The following SMARCAL1 variants were observed in gnomAD, a reference collection of about 807,000 sequenced individuals.
The protein encoded by SMARCAL1 is ATP-driven annealing helicase.
Under a neutral mutation model 94.5 loss-of-function variants are expected in SMARCAL1, and 58 were observed. The ratio of observed to expected loss-of-function variants is 0.61; its 90% CI spans 0.50 to 0.76. The LOEUF (loss-of-function observed/expected upper bound fraction) is 0.76, where lower values mean the gene tolerates loss of function less well. Among genes scored for constraint, SMARCAL1 ranks in the 30% least tolerant of loss-of-function variants. The pLI, the probability that SMARCAL1 is intolerant of heterozygous loss-of-function variation, is 0.00. For synonymous variants in SMARCAL1, 422 were observed against 455.1 expected, an observed-to-expected ratio of 0.93 and a Z score of 0.93; for missense variants, 1,051 against 1,177.9, an observed-to-expected ratio of 0.89 and a Z score of 1.58.
intron 9 of SMARCAL1, among the ~76,000 whole-genome samples, chr2:216,438,066 G>A (rs550287466): frequency 6.6e-6 from 1 of 152,366 alleles, no homozygotes; most frequent in South Asian, 2.1e-4. Flanking sequence ...CCATTATGGG[G>A]CACTTGGTCT....
intron 7 of SMARCAL1, among the ~76,000 whole-genome samples, chr2:216,429,690 C>T (rs994434415): frequency 1.3e-5 from 2 of 151,718 alleles, no homozygotes; most frequent in South Asian, 2.1e-4. Context: ...CCTGCCTGCT[C>T]GAAGCCTGAT....
In SMARCAL1 at chr2:216,475,969, C is replaced by T. The variant is rs570796287; in HGVS notation, c.2427+518C>T. ...CATAACTGAAGAGGGCACTTGGTGG[C>T]ACCAGGTTGCAGCCCAGGCCTCACG... is the stretch of plus-strand genomic sequence containing the variant. On this transcript the variant is annotated intron_variant, in intron 15 of 17. Transcript: ENST00000357276. This position sits in a 1 kb window ranked among gnomAD's most constrained non-coding sequence, Gnocchi z 4.4. 4.3e-4 allele frequency among the ~76,000 whole-genome samples: 66 copies of T among 151,886 alleles called. No individual in the cohort carries two copies. Among genetic ancestry groups the T allele is most frequent in the Non-Finnish European group, 5.7e-4 (39 of 67,992 alleles).
At position 216,415,370 on chromosome 2, in the gene SMARCAL1, C is replaced by G; in HGVS notation, c.666C>G (p.Leu222=). The change falls in exon 3 of 18, where the codon CTC becomes CTG. Residue 222 remains leucine, a synonymous_variant. Transcript: ENST00000357276. ...TAACGCCCAGGACAGAAGGAAGACTCCAGCAGAAGTCAGGGTCCTCAGTCC... is the reference window on the plus strand; with the variant it reads ...TAACGCCCAGGACAGAAGGAAGACTGCAGCAGAAGTCAGGGTCCTCAGTCC... ...ESVTPRTEGR[L]QQKSGSSVQK... is the part of the protein sequence containing the mutation. 1 of 1,614,214 alleles carries G rather than the reference C, an allele frequency of 6.2e-7. No individual in the cohort carries two copies. Among genetic ancestry groups the G allele is most frequent in the South Asian group, 1.1e-5 (1 of 91,088 alleles).
At chr2:216,431,210 G>C (rs904875537) in intron 7 of SMARCAL1, among the ~76,000 whole-genome samples, 6 of 152,248 alleles carry the variant, frequency 3.9e-5, no homozygotes, top group African/African-American at 1.4e-4. Flanking sequence ...GTGTTTCCAG[G>C]CAATTCAGAA....
At chr2:216,429,226 T>C (rs1693907914) in intron 7 of SMARCAL1, among the ~76,000 whole-genome samples, 1 of 152,208 alleles carries the variant, frequency 6.6e-6, no homozygotes, top group Non-Finnish European at 1.5e-5. Context: ...AGAAGCACCA[T>C]TTTTCTAATG....
chr2:216,463,274 G>C (rs1451130745), intron 12 of SMARCAL1, among the ~76,000 whole-genome samples: 5 of 152,134 alleles, frequency 3.3e-5, no homozygotes, highest in African/African-American at 1.2e-4. Context: ...TGGTCCTTTT[G>C]TGCTGTAACA....
chr2:216,428,614 T>G lies in SMARCAL1; in HGVS notation c.1166T>G (p.Leu389Arg). The change falls in exon 7 of 18, where the codon CTC (leucine) becomes CGC (arginine). Residue 389 changes from leucine to arginine, a missense_variant. Leu to Arg is a moderately radical substitution (Grantham distance 102, BLOSUM62 -2). Around this residue, in one of 3 missense-constraint regions of SMARCAL1, gnomAD observed 642 missense variants for 754.7 expected, o/e 0.85. Transcript: ENST00000357276. ...TTTTCAGTTGCAAAGGTGCGCTGCCTCCCACAAGTTCAGCTGGACCCTCTG... is the reference window on the plus strand; with the variant it reads ...TTTTCAGTTGCAAAGGTGCGCTGCCGCCCACAAGTTCAGCTGGACCCTCTG... Reference protein sequence around the residue: ...HSKLIAKVRCLPQVQLDPLPT... With the variant: ...HSKLIAKVRCRPQVQLDPLPT... 6.2e-7 allele frequency: 1 copy of G among 1,613,968 alleles called. No homozygotes were observed. Among genetic ancestry groups the G allele is most frequent in the Non-Finnish European group, 8.5e-7 (1 of 1,180,026 alleles).
At chr2:216,447,190 CA>C (rs2106050521) in intron 11 of SMARCAL1, 32 bp downstream of exon 11, 1 of 1,612,088 alleles carries the variant, frequency 6.2e-7, no homozygotes, top group East Asian at 2.2e-5. Flanking sequence ...CCAGCCCACC[CA>C]TTTCTCACCC....
rs376587296 is a variant in SMARCAL1 at position 216,480,861 on chromosome 2, C to T, written c.2626-1877C>T. 5.9e-5 allele frequency among the ~76,000 whole-genome samples: 9 copies of T among 152,258 alleles called. No individual in the cohort carries two copies. In the East Asian group the frequency reaches 7.7e-4, roughly 13 times the overall value. On this transcript the variant is annotated intron_variant, in intron 17 of 17. Transcript: ENST00000357276. ...AGCCCAAAGACATGACCAAAAAAAT[C>T]TTTAAAGGAGAGCCTGGGGGTAAAA...
In SMARCAL1 at chr2:216,468,135, G is replaced by T. The variant is rs1054018179; in HGVS notation, c.2244+89G>T. The T allele has an allele frequency of 2.0e-5, 17 of 855,470 alleles. No individual in the cohort carries two copies. In the East Asian group the frequency reaches 4.3e-4, roughly 22 times the overall value. 53.0% of individuals were successfully genotyped at this position (855,470 alleles called of 1,614,324 possible). On this transcript the variant is annotated intron_variant, in intron 14 of 17. Coordinates refer to ENST00000357276, the MANE Select transcript of SMARCAL1 (RefSeq NM_014140.4). Reference sequence around the variant, plus strand: ...CTTAGGTCAGATCCAAGCAAAGTGAGACCGATGGCTTCCGGAAGCATTGCT... The same window carrying T: ...CTTAGGTCAGATCCAAGCAAAGTGATACCGATGGCTTCCGGAAGCATTGCT...
rs775206136 is a variant in SMARCAL1, at chr2:216,438,475, C to T, written c.1700C>T (p.Pro567Leu). The T allele has an allele frequency of 3.7e-6, 6 of 1,613,740 alleles. No homozygotes were observed. The highest frequency in any genetic ancestry group is 1.7e-4 in the Middle Eastern group (1 of 6,060). Reference sequence around the variant, plus strand: ...ACTGCCCGCTGTCGAGCAGCTATGCCGGTCCTAAAGGTGAGTACTTCTGAG... The same window carrying T: ...ACTGCCCGCTGTCGAGCAGCTATGCTGGTCCTAAAGGTGAGTACTTCTGAG... ...SRTARCRAAM[P>L]VLKVAKRVIL... Residue 567 changes from proline to leucine, a missense_variant, in exon 10 of 18, where the codon CCG becomes CTG. By Grantham distance (98) the Pro-to-Leu change is moderately conservative (BLOSUM62 -3). This residue lies in a region of SMARCAL1 where 642 missense variants were observed against 754.7 expected (regional missense o/e 0.85). Transcript: ENST00000357276.
intron 14 of SMARCAL1, among the ~76,000 whole-genome samples, chr2:216,471,292 G>C (rs974136454): frequency 1.3e-5 from 2 of 151,706 alleles, no homozygotes; most frequent in Admixed American, 6.6e-5. Flanking sequence ...AAATTACAAA[G>C]GAAAAATTGA....
At chr2:216,430,439 C>CTAAAGTTA (rs1438054698) in intron 7 of SMARCAL1, among the ~76,000 whole-genome samples, 1 of 152,208 alleles carries the variant, frequency 6.6e-6, no homozygotes, top group African/African-American at 2.4e-5. Flanking sequence ...AGTCAGTTGC[C>CTAAAGTTA]TAAAGTTATT....
At chr2:216,450,609 T>C (rs570387429) in intron 11 of SMARCAL1, among the ~76,000 whole-genome samples, 2 of 152,216 alleles carry the variant, frequency 1.3e-5, no homozygotes, top group Non-Finnish European at 2.9e-5. Flanking sequence ...CACTGCCAAA[T>C]TGTAGAATGC....
intron 14 of SMARCAL1, among the ~76,000 whole-genome samples, chr2:216,474,710 C>T (rs1232201037): frequency 2.0e-5 from 3 of 151,926 alleles, no homozygotes; most frequent in South Asian, 2.1e-4. Context: ...GAGCCAAGAT[C>T]GTGCCACTGC....
chr2:216,458,612 G>T (rs1411369879), intron 12 of SMARCAL1, among the ~76,000 whole-genome samples: 1 of 152,070 alleles, frequency 6.6e-6, no homozygotes, highest in Non-Finnish European at 1.5e-5. Context: ...TGCAGAAAAG[G>T]CCTTTAACAA....
intron 14 of SMARCAL1, among the ~76,000 whole-genome samples, chr2:216,474,213 C>A (rs1433514720): frequency 7.4e-6 from 1 of 134,424 alleles, no homozygotes; most frequent in Non-Finnish European, 1.5e-5. Context: ...CATCTTGGCT[C>A]ACTGCAACCT....
chr2:216,453,388 A>C (rs1574469509), intron 12 of SMARCAL1, among the ~76,000 whole-genome samples: 1 of 152,214 alleles, frequency 6.6e-6, no homozygotes, highest in East Asian at 1.9e-4. Flanking sequence ...GTCTTAATAG[A>C]AATCAATTTT....
At position 216,438,339 on chromosome 2, in the gene SMARCAL1, C is replaced by A. The variant is rs575556421; in HGVS notation, c.1645-81C>A. The A allele has an allele frequency of 2.4e-6, 3 of 1,225,616 alleles. No individual in the cohort carries two copies. The East Asian group carries it at 7.0e-5, about 29-fold the overall frequency. 75.9% of individuals were successfully genotyped at this position (1,225,616 alleles called of 1,614,324 possible). On this transcript the variant is annotated intron_variant, in intron 9 of 17. Transcript: ENST00000357276. ...GAGCATCCACCTTGCACTTGCCATG[C>A]CAGGGTCAAGCCTAAAGTGACCCAT...
Sources: gnomAD v4.1 joint callset for allele counts (sites outside exome capture counted in the v4.1 genomes callset) on GRCh38, gnomAD v4.1.1 for gene constraint, gnomAD v4.1.1 regional missense constraint, Gnocchi (gnomAD v3.1) non-coding constraint, MANE v1.5 for transcripts, NCBI Gene and HGNC (gene_info 2026-07-23, HGNC 2026-07-21) for gene names.